The following ZNF544 variants were observed in gnomAD, a reference collection of about 807,000 sequenced individuals.
ZNF544 encodes zinc finger protein AF020591.
Under a neutral mutation model 13.5 loss-of-function variants are expected in ZNF544, and 10 were observed. The observed-to-expected ratio is 0.74, with a 90% confidence interval of 0.46 to 1.25. ZNF544 has a LOEUF of 1.25. Among genes scored for constraint, ZNF544 ranks in the 50% most tolerant of loss-of-function variants. The probability of loss-of-function intolerance (pLI) is 0.00; values close to 1 mark genes in which losing one functional copy is unlikely to be tolerated. For missense variants in ZNF544, 896 were observed against 845.6 expected (o/e 1.06, Z -0.74); for synonymous variants, 323 against 300.5 (o/e 1.07, Z -0.77).
At chr19:58,249,441 A>G (rs1416650239) in intron 6 of ZNF544, among the ~76,000 whole-genome samples, 1 of 152,148 alleles carries the variant, frequency 6.6e-6, no homozygotes, top group African/African-American at 2.4e-5. Context: ...GATCATCTGA[A>G]GCTTGATGGT....
chr19:58,232,346 CTTT>C (rs71190011), intron 3 of ZNF544, among the ~76,000 whole-genome samples: 1,289 of 75,240 alleles, frequency 0.017, 5 homozygotes, highest in Non-Finnish European at 0.023. Context: ...ACAATTTTAT[CTTT>C]TTTTTTTTTT....
intron 4 of ZNF544, among the ~76,000 whole-genome samples, chr19:58,245,205 G>A (rs2044843675): frequency 2.0e-5 from 3 of 151,364 alleles, no homozygotes; most frequent in Middle Eastern, 6.9e-3. Context: ...CTCCCAAAGT[G>A]TTGGGATTAC....
chr19:58,260,706 C>A, intron 6 of ZNF544, 145 bp from the exon 7 acceptor site: 1 of 737,952 alleles, frequency 1.4e-6, no homozygotes, highest in Non-Finnish European at 2.1e-6. Flanking sequence ...CCATCCCTCC[C>A]TTTCACAGCC....
chr19:58,252,637 C>G (rs987678349), intron 6 of ZNF544, among the ~76,000 whole-genome samples: 17 of 152,122 alleles, frequency 1.1e-4, no homozygotes, highest in African/African-American at 4.1e-4. Flanking sequence ...TCTTTTTTGG[C>G]ACCTTTTGTA....
At chr19:58,243,839 C>A in intron 3 of ZNF544, 126 bp from the exon 4 acceptor site, 1 of 655,262 alleles carries the variant, frequency 1.5e-6, no homozygotes, top group Non-Finnish European at 2.4e-6. Flanking sequence ...GGTCCCCAGG[C>A]GTGAGGCCCA....
intron 3 of ZNF544, among the ~76,000 whole-genome samples, 177 bp from the exon 4 acceptor site, chr19:58,243,788 C>T (rs373593399): frequency 7.2e-5 from 11 of 152,240 alleles, no homozygotes; most frequent in African/African-American, 2.4e-4. Context: ...CTGAGACGCC[C>T]AGCACATGAC....
downstream of ZNF544, among the ~76,000 whole-genome samples, chr19:58,268,826 A>G (rs2050253410): frequency 6.6e-6 from 1 of 152,272 alleles, no homozygotes; most frequent in South Asian, 2.1e-4. Context: ...ACAGGGACAT[A>G]GAACGTACTA....
intron 3 of ZNF544, among the ~76,000 whole-genome samples, chr19:58,236,494 CTG>C (rs1296090203): frequency 1.6e-4 from 23 of 141,704 alleles, no homozygotes; most frequent in African/African-American, 4.3e-4. Context: ...AAGAGTGAAA[CTG>C]TGTCTCAAAA....
Position 58,262,737 on chromosome 19 carries a change from A to T in ZNF544, c.2131A>T (p.Thr711Ser), listed in dbSNP as rs766630795. Residue 711 changes from threonine to serine, a missense_variant, in exon 7 of 7, where the codon ACT becomes TCT. Coordinates refer to ENST00000687789, the MANE Select transcript of ZNF544 (RefSeq NM_014480.4). ...SQLVVHRRTH[T>S]GEKP Reference sequence around the variant, plus strand: ...ACTTGTAGTGCATCGGCGGACACATACTGGAGAGAAACCTTAGGAGTGCAG... The same window carrying T: ...ACTTGTAGTGCATCGGCGGACACATTCTGGAGAGAAACCTTAGGAGTGCAG... 9 of 1,600,744 alleles carry T rather than the reference A, an allele frequency of 5.6e-6. No homozygotes were observed. The highest frequency in any genetic ancestry group is 6.8e-6 in the Non-Finnish European group (8 of 1,171,750).
chr19:58,265,282 A>ATTTATTTATT (rs2049714887), downstream of ZNF544, among the ~76,000 whole-genome samples: 1 of 147,346 alleles, frequency 6.8e-6, no homozygotes, highest in Non-Finnish European at 1.5e-5. Flanking sequence ...CCATGTCTGC[A>ATTTATTTATT]TATTTATTTA....
chr19:58,276,470 A>T (rs429770), intron 6 of ZNF544: 256,535 of 1,157,296 alleles, frequency 0.22, 29,338 homozygotes, highest in East Asian at 0.5. Flanking sequence ...TTTTATTTTT[A>T]TTTTATTTTA....
At position 58,262,170 on chromosome 19, in the gene ZNF544, T is replaced by G; in HGVS notation, c.1564T>G (p.Cys522Gly). 6.2e-7 allele frequency: 1 copy of G among 1,613,664 alleles called. No homozygotes were observed. Among genetic ancestry groups the G allele is most frequent in the Non-Finnish European group, 8.5e-7 (1 of 1,179,940 alleles). The stretch of plus-strand genomic sequence containing the variant: ...ACACACTGGAGAGAAGCCCTATGAG[T>G]GCAACCTGTGTGGGAAATCCTTCTC... ...RTHTGEKPYE[C>G]NLCGKSFSQS... The change falls in exon 7 of 7, where the codon TGC (cysteine) becomes GGC (glycine). Residue 522 changes from cysteine to glycine, a missense_variant. Physicochemically the swap from Cys to Gly is radical, Grantham distance 159. Coordinates refer to ENST00000687789, the MANE Select transcript of ZNF544 (RefSeq NM_014480.4).
At chr19:58,229,193 G>A (rs1291921941) in intron 1 of ZNF544, 3 of 152,420 alleles carry the variant, frequency 2.0e-5, no homozygotes, top group African/African-American at 2.4e-5. Flanking sequence ...CGCCCGGCTG[G>A]GTCTGAGCTT....
intron 6 of ZNF544, among the ~76,000 whole-genome samples, chr19:58,254,779 A>G (rs1225382334): frequency 1.3e-5 from 2 of 152,098 alleles, no homozygotes; most frequent in Admixed American, 6.5e-5. Flanking sequence ...TTGCAGAGTT[A>G]ATAGTACCAA....
chr19:58,255,032 C>G (rs542552670), intron 6 of ZNF544, among the ~76,000 whole-genome samples: 1 of 146,450 alleles, frequency 6.8e-6, no homozygotes, highest in Admixed American at 6.8e-5. Context: ...GGACTACAGG[C>G]GCCCGCCACC....
downstream of ZNF544, among the ~76,000 whole-genome samples, chr19:58,264,724 C>G (rs1289636215): frequency 6.8e-6 from 1 of 147,812 alleles, no homozygotes. Flanking sequence ...AAACCCTGAG[C>G]TGGCTGTAAT....
rs111511639 is a variant in ZNF544 at position 58,270,330 on chromosome 19, G to A, written c.245-5993G>A. ...TTTTTTTTTCTTTTTTTTTGAGAAG[G>A]AGTCTCTGTTGCCCAGTCTGGAGTG... is the stretch of plus-strand genomic sequence containing the variant. On this transcript the variant is annotated intron_variant, in intron 5 of 6. Transcript: ENST00000595981. Among the ~76,000 whole-genome samples, 512 of 148,404 alleles carry A rather than the reference G, an allele frequency of 3.5e-3. 2 individuals are homozygous for A. Among genetic ancestry groups the A allele is most frequent in the Non-Finnish European group, 5.6e-3 (377 of 67,332 alleles).
intron 5 of ZNF544, among the ~76,000 whole-genome samples, chr19:58,274,047 G>A (rs1248792792): frequency 2.6e-5 from 4 of 152,000 alleles, no homozygotes; most frequent in Non-Finnish European, 5.9e-5. Flanking sequence ...GCCCACCTCC[G>A]CCTCCCAAAG....
rs181040038 is a variant in ZNF544 at position 58,248,928 on chromosome 19, G to A, written c.244+2134G>A. 1.5e-3 allele frequency among the ~76,000 whole-genome samples: 223 copies of A among 152,268 alleles called. 1 individual carries two copies. The highest frequency in any genetic ancestry group is 0.01 in the Middle Eastern group (3 of 294). The stretch of plus-strand genomic sequence containing the variant: ...TATATCCTCTGTAAATGAAGTAGTG[G>A]CCCATAACTAGTCTGATTGGTTGGG... On this transcript the variant is annotated intron_variant, in intron 6 of 6. Coordinates refer to ENST00000687789, the MANE Select transcript of ZNF544 (RefSeq NM_014480.4).
Sources: gnomAD v4.1 joint callset for allele counts (sites outside exome capture counted in the v4.1 genomes callset) on GRCh38, gnomAD v4.1.1 for gene constraint, MANE v1.5 for transcripts, NCBI Gene and HGNC (gene_info 2026-07-23, HGNC 2026-07-21) for gene names.